The following ARID1B variants were observed in gnomAD, a reference collection of about 807,000 sequenced individuals.
ARID1B encodes the protein AT-rich interaction domain 1B, also known as AT-rich interactive domain-containing protein 1B.
In ARID1B, 30 loss-of-function variants were observed where a neutral mutation model predicts 212.3. The ratio of observed to expected loss-of-function variants is 0.14; its 90% CI spans 0.11 to 0.19. ARID1B has a LOEUF of 0.19. Ranked by LOEUF, ARID1B falls within the 10% of genes least tolerant of loss-of-function variation. The pLI, the probability that ARID1B is intolerant of heterozygous loss-of-function variation, is 1.00. For synonymous variants in ARID1B, 1,402 were observed against 1,301.7 expected (o/e 1.08, Z -1.66); for missense variants, 2,891 against 3,204.0 (o/e 0.90, Z 2.36).
chr6:157,011,898 A>G (rs968765306), intron 4 of ARID1B, among the ~76,000 whole-genome samples: 18 of 152,294 alleles, frequency 1.2e-4, no homozygotes, highest in African/African-American at 4.3e-4. Flanking sequence ...TAAGAAATCT[A>G]TGCCTAGACC....
At chr6:156,945,455 C>T (rs184513320) in intron 4 of ARID1B, among the ~76,000 whole-genome samples, 3 of 151,848 alleles carry the variant, frequency 2.0e-5, no homozygotes, top group Admixed American at 1.3e-4. Flanking sequence ...AGCCTGGGGA[C>T]CACCGAGTGT....
chr6:156,794,298 A>G (rs1446949759), intron 1 of ARID1B, among the ~76,000 whole-genome samples: 1 of 151,566 alleles, frequency 6.6e-6, no homozygotes, highest in African/African-American at 2.4e-5. Flanking sequence ...CGCTCAGCCT[A>G]GAGTGCTGTG....
At chr6:157,170,243 G>C (rs1336439542) in intron 9 of ARID1B, 1 of 152,020 alleles carries the variant, frequency 6.6e-6, no homozygotes, top group Non-Finnish European at 1.5e-5. Flanking sequence ...AGCTTTGTGG[G>C]GCATTAGCTG....
intron 2 of ARID1B, among the ~76,000 whole-genome samples, chr6:156,841,089 T>C (rs1783868218): frequency 6.6e-6 from 1 of 152,196 alleles, no homozygotes; most frequent in Non-Finnish European, 1.5e-5. Flanking sequence ...AAGAGAGTTC[T>C]ACCACATGTG....
intron 15 of ARID1B, among the ~76,000 whole-genome samples, chr6:157,193,136 A>T (rs1183803100): frequency 6.6e-6 from 1 of 152,216 alleles, no homozygotes; most frequent in African/African-American, 2.4e-5. Flanking sequence ...TTATATGTTT[A>T]ACAGAATAGT....
At chr6:156,988,832 C>A (rs1583089034) in intron 4 of ARID1B, among the ~76,000 whole-genome samples, 2 of 152,232 alleles carry the variant, frequency 1.3e-5, no homozygotes, top group Admixed American at 1.3e-4. Flanking sequence ...GTTATCTCAA[C>A]TGACCAGTTC....
chr6:156,829,688 C>T (rs904267811), intron 2 of ARID1B: 21 of 367,666 alleles, frequency 5.7e-5, no homozygotes, highest in Non-Finnish European at 7.4e-5. Flanking sequence ...CATAAATTTG[C>T]AGCAGGTTAT....
intron 2 of ARID1B, among the ~76,000 whole-genome samples, chr6:156,851,689 G>A (rs1054211494): frequency 6.6e-6 from 1 of 152,182 alleles, no homozygotes; most frequent in African/African-American, 2.4e-5. Context: ...GCATTCAAAT[G>A]ACTAAGTACA....
intron 4 of ARID1B, among the ~76,000 whole-genome samples, chr6:157,030,653 T>G (rs2128493848): frequency 6.6e-6 from 1 of 152,306 alleles, no homozygotes; most frequent in East Asian, 1.9e-4. Context: ...TTAACAGCCT[T>G]GAATAGAAAG....
chr6:156,979,078 T>C (rs182905492), intron 4 of ARID1B, among the ~76,000 whole-genome samples: 15 of 152,350 alleles, frequency 9.8e-5, no homozygotes, highest in Non-Finnish European at 1.0e-4. Context: ...AAAGCGCTAG[T>C]AGTGCTGATA....
rs553478778 is a variant in ARID1B, at chr6:157,015,988, G to C, written c.2248-68674G>C. 1.7e-4 allele frequency among the ~76,000 whole-genome samples: 26 copies of C among 152,314 alleles called. No homozygotes were observed. In the South Asian group the frequency reaches 5.2e-3, roughly 30 times the overall value. ...GTAAGGAGATATCTTCTCACAAATG[G>C]AAACTCTTTTCAGTTTGCTCAGGAG... On this transcript the variant is annotated intron_variant, in intron 4 of 19. Transcript: ENST00000636930.
intron 4 of ARID1B, among the ~76,000 whole-genome samples, chr6:157,054,983 G>A (rs1782856093): frequency 6.6e-6 from 1 of 152,170 alleles, no homozygotes; most frequent in Admixed American, 6.5e-5. Flanking sequence ...TAGAACTGGA[G>A]TAACTTGTAG....
chr6:157,024,011 G>A (rs1780491233), intron 4 of ARID1B: 1 of 152,228 alleles, frequency 6.6e-6, no homozygotes, highest in African/African-American at 2.4e-5. Context: ...ATTAAAAATA[G>A]TTGGTAACAT....
chr6:157,096,173 C>T (rs562211968), intron 5 of ARID1B, among the ~76,000 whole-genome samples: 13 of 152,308 alleles, frequency 8.5e-5, no homozygotes, highest in East Asian at 1.9e-4. Context: ...CCTGCAGCCC[C>T]GGAGTTCAGC....
rs112089670 is a variant in ARID1B at position 157,033,634 on chromosome 6, C to T, written c.2248-51028C>T. Among the ~76,000 whole-genome samples the T allele has an allele frequency of 5.5e-3, 843 of 152,144 alleles. 13 individuals carry two copies. Among genetic ancestry groups the T allele is most frequent in the African/African-American group, 0.02 (815 of 41,512 alleles). ...TTGTGTTATTTTTGGTGGAGGTGGG[C>T]CGTAGGGTAATTGGGAAAGAGATGT... On this transcript the variant is annotated intron_variant, in intron 4 of 19. Coordinates refer to ENST00000636930, the MANE Select transcript of ARID1B (RefSeq NM_001374828.1).
At chr6:156,931,475 G>C (rs1314892264) in intron 3 of ARID1B, among the ~76,000 whole-genome samples, 1 of 152,038 alleles carries the variant, frequency 6.6e-6, no homozygotes. Flanking sequence ...ACTGTGATAT[G>C]TTCAAGTACC....
chr6:157,202,664 A>G (rs1396989692), intron 18 of ARID1B, among the ~76,000 whole-genome samples: 1 of 151,880 alleles, frequency 6.6e-6, no homozygotes, highest in African/African-American at 2.4e-5. Flanking sequence ...ACACACACAC[A>G]CACATATTCC....
intron 5 of ARID1B, 101 bp downstream of exon 5, chr6:157,085,006 G>T: frequency 7.1e-7 from 1 of 1,417,782 alleles, no homozygotes; most frequent in Non-Finnish European, 9.4e-7. Context: ...AAACCTAGTG[G>T]CCACATATTA....
chr6:156,980,517 A>G (rs1562525812), intron 4 of ARID1B, among the ~76,000 whole-genome samples: 1 of 152,128 alleles, frequency 6.6e-6, no homozygotes, highest in Non-Finnish European at 1.5e-5. Flanking sequence ...AATAAGAATC[A>G]TTGAGCTCCT....
Sources: gnomAD v4.1 joint callset for allele counts (sites outside exome capture counted in the v4.1 genomes callset) on GRCh38, gnomAD v4.1.1 for gene constraint, MANE v1.5 for transcripts, NCBI Gene and HGNC (gene_info 2026-07-23, HGNC 2026-07-21) for gene names.